Variants in TNFRSF19 observed in about 807,000 individuals in gnomAD.
TNFRSF19 encodes TNF receptor superfamily member 19.
TNFRSF19 carries 27 observed loss-of-function variants against 46.4 expected under a neutral mutation model. That is an observed-to-expected ratio of 0.58 (90% CI 0.43 to 0.80). The LOEUF (loss-of-function observed/expected upper bound fraction) is 0.80. Ranked by LOEUF, TNFRSF19 falls within the 30% of genes least tolerant of loss-of-function variation. TNFRSF19 has a pLI of 0.00. For synonymous variants in TNFRSF19, 204 were observed against 205.0 expected, an observed-to-expected ratio of 1.00 and a Z score of 0.04; for missense variants, 511 against 530.8, an observed-to-expected ratio of 0.96 and a Z score of 0.37.
At chr13:23,624,507 C>A (rs1407131129) in intron 4 of TNFRSF19, among the ~76,000 whole-genome samples, 3 of 152,026 alleles carry the variant, frequency 2.0e-5, no homozygotes, top group Admixed American at 6.6e-5. Context: ...GTTTCAAATG[C>A]AAATTTTGCT....
At chr13:23,608,317 A>G (rs1398061942) in intron 3 of TNFRSF19, among the ~76,000 whole-genome samples, 1 of 152,262 alleles carries the variant, frequency 6.6e-6, no homozygotes, top group Non-Finnish European at 1.5e-5. Context: ...CTTGTAATAC[A>G]TATTATGCAA....
At chr13:23,645,413 G>T (rs1045419112) in intron 5 of TNFRSF19, among the ~76,000 whole-genome samples, 6 of 152,078 alleles carry the variant, frequency 3.9e-5, no homozygotes, top group African/African-American at 1.4e-4. Flanking sequence ...TGTTGACCAG[G>T]CTGGTCTCAA....
At position 23,593,325 on chromosome 13, in the gene TNFRSF19, TG is replaced by T; in HGVS notation, c.70-19del. The T allele has an allele frequency of 6.8e-7, 1 of 1,476,544 alleles. No individual in the cohort carries two copies. The highest frequency in any genetic ancestry group is 9.2e-7 in the Non-Finnish European group (1 of 1,089,484). The allele number at this position is 1,476,544 out of a possible 1,614,324, so 91.5% of individuals were successfully genotyped here. A position where few individuals can be genotyped will look rare whatever the true frequency, so the allele number is the denominator to read the frequency against. The stretch of plus-strand genomic sequence containing the variant: ...TTTAACATACTTTAAGATAACATTT[TG>T]TTAAATTTTTTTTTTCAGTCATGTA... On this transcript the variant is annotated intron_variant, in intron 2 of 9. Coordinates refer to ENST00000248484, the MANE Select transcript of TNFRSF19 (RefSeq NM_148957.4).
At chr13:23,623,282 G>T (rs1336932342) in intron 4 of TNFRSF19, among the ~76,000 whole-genome samples, 2 of 152,190 alleles carry the variant, frequency 1.3e-5, no homozygotes, top group African/African-American at 2.4e-5. Context: ...CATGTGACAG[G>T]AACCCCTCCT....
At chr13:23,587,511 T>C (rs970546795) in intron 1 of TNFRSF19, among the ~76,000 whole-genome samples, 3 of 152,246 alleles carry the variant, frequency 2.0e-5, no homozygotes, top group Non-Finnish European at 4.4e-5. Flanking sequence ...TAATGACCGT[T>C]TAACCAATGT....
chr13:23,670,334 A>C (rs1265734190), intron 9 of TNFRSF19, among the ~76,000 whole-genome samples: 2 of 152,228 alleles, frequency 1.3e-5, no homozygotes, highest in Admixed American at 6.5e-5. Context: ...AAAGTACAAA[A>C]AAAAATTATC....
chr13:23,669,123 G>A (rs1366454754), intron 9 of TNFRSF19, 26 bp downstream of exon 9: 5 of 1,608,000 alleles, frequency 3.1e-6, no homozygotes, highest in Non-Finnish European at 4.2e-6. Flanking sequence ...GGTTCCCTGT[G>A]AACACAGCAC....
rs1593309239 is a variant in TNFRSF19, at chr13:23,673,389, C to T, written c.*9C>T. 6.2e-7 allele frequency: 1 copy of T among 1,604,472 alleles called. No homozygotes were observed. The highest frequency in any genetic ancestry group is 8.5e-7 in the Non-Finnish European group (1 of 1,174,400). On this transcript the variant is annotated 3_prime_UTR_variant, in exon 10 of 10. Coordinates refer to ENST00000248484, the MANE Select transcript of TNFRSF19 (RefSeq NM_148957.4). ...TGTTTTAGGAAGCTTAAAGAACCTG[C>T]TTCTTTCTGCAGTAGAAGCGTGTGC...
chr13:23,613,055 T>A (rs1051147340), intron 3 of TNFRSF19, among the ~76,000 whole-genome samples: 2 of 152,226 alleles, frequency 1.3e-5, no homozygotes, highest in African/African-American at 4.8e-5. Context: ...AAAATTATGA[T>A]TTCTTTTTGA....
chr13:23,660,602 T>G (rs1884302924), intron 7 of TNFRSF19, 112 bp downstream of exon 7: 5 of 1,298,200 alleles, frequency 3.9e-6, no homozygotes, highest in African/African-American at 1.5e-5. Flanking sequence ...TGTTGAGTCT[T>G]CTGGTTAAAA....
intron 2 of TNFRSF19, among the ~76,000 whole-genome samples, chr13:23,592,013 C>A (rs1879345983): frequency 6.6e-6 from 1 of 152,092 alleles, no homozygotes; most frequent in African/African-American, 2.4e-5. Flanking sequence ...GTGTGAGCCA[C>A]CGTGCCTGTC....
At chr13:23,661,401 C>T (rs1001658625) in intron 7 of TNFRSF19, among the ~76,000 whole-genome samples, 2 of 152,224 alleles carry the variant, frequency 1.3e-5, no homozygotes, top group African/African-American at 4.8e-5. Context: ...CATAGTATTC[C>T]ATGGTGTATA....
intron 3 of TNFRSF19, among the ~76,000 whole-genome samples, chr13:23,597,001 T>C (rs1879777994): frequency 6.6e-6 from 1 of 152,198 alleles, no homozygotes; most frequent in Non-Finnish European, 1.5e-5. Context: ...GACTACTGGG[T>C]AAATAACAAA....
intron 1 of TNFRSF19, among the ~76,000 whole-genome samples, chr13:23,583,319 A>T (rs1450181604): frequency 6.6e-6 from 1 of 152,236 alleles, no homozygotes; most frequent in Non-Finnish European, 1.5e-5. Flanking sequence ...GACCAAAAAA[A>T]AATGATAAAG....
At chr13:23,588,172 G>C (rs538557724) in intron 1 of TNFRSF19, among the ~76,000 whole-genome samples, 1 of 152,320 alleles carries the variant, frequency 6.6e-6, no homozygotes, top group Middle Eastern at 3.4e-3. Context: ...AATTTCAGGA[G>C]GTAGGTACTA....
chr13:23,650,409 C>T (rs1883564143), intron 5 of TNFRSF19, among the ~76,000 whole-genome samples: 1 of 152,096 alleles, frequency 6.6e-6, no homozygotes, highest in East Asian at 1.9e-4. Context: ...ATTATTCAGT[C>T]ATTAAAAAGT....
intron 4 of TNFRSF19, among the ~76,000 whole-genome samples, chr13:23,622,121 C>CA (rs910805052): frequency 1.7e-4 from 26 of 152,170 alleles, no homozygotes; most frequent in Non-Finnish European, 2.8e-4. Flanking sequence ...AATGGTCATT[C>CA]AGGCCTGGCG....
chr13:23,612,978 G>A (rs1276996246), intron 3 of TNFRSF19, among the ~76,000 whole-genome samples: 3 of 152,156 alleles, frequency 2.0e-5, no homozygotes, highest in Admixed American at 6.5e-5. Context: ...CTTATAGCAC[G>A]GTGCAGCAGT....
chr13:23,638,347 G>A (rs12429914), intron 5 of TNFRSF19, among the ~76,000 whole-genome samples: 40,721 of 151,972 alleles, frequency 0.27, 5,771 homozygotes, highest in Non-Finnish European at 0.32. Context: ...CTTACAATCC[G>A]GCAAGTGCCA....
Sources: allele counts gnomAD v4.1 joint callset (sites outside exome capture counted in the v4.1 genomes callset), GRCh38; gene constraint gnomAD v4.1.1; transcripts MANE v1.5; gene names NCBI Gene and HGNC (gene_info 2026-07-23, HGNC 2026-07-21).